The following TEKT3 variants were observed in gnomAD, a reference collection of about 807,000 sequenced individuals.
TEKT3 encodes tektin 3.
In TEKT3, 49 loss-of-function variants were observed where a neutral mutation model predicts 49.8. The observed-to-expected ratio is 0.98, with a 90% CI of 0.78 to 1.25. The LOEUF (loss-of-function observed/expected upper bound fraction) is 1.25, where lower values mean the gene tolerates loss of function less well. TEKT3 is among the 50% of genes most tolerant of loss of function. The probability of loss-of-function intolerance (pLI) is 0.00; values close to 1 mark genes in which losing one functional copy is unlikely to be tolerated. For synonymous variants in TEKT3, 225 were observed against 237.2 expected (o/e 0.95, Z 0.47); for missense variants, 595 against 629.5 (o/e 0.95, Z 0.59).
chr17:15,337,176 C>A (rs970004300), intron 2 of TEKT3, among the ~76,000 whole-genome samples: 2 of 151,750 alleles, frequency 1.3e-5, no homozygotes, highest in Non-Finnish European at 2.9e-5. Context: ...ATAATAAATA[C>A]AATAGATATA....
chr17:15,311,585 C>T (rs1910773106), intron 7 of TEKT3: 1 of 152,298 alleles, frequency 6.6e-6, no homozygotes, highest in South Asian at 2.1e-4. Context: ...GATCACCATA[C>T]ATTAAATGTA....
intron 4 of TEKT3, among the ~76,000 whole-genome samples, chr17:15,321,884 G>T (rs1048503370): frequency 6.6e-6 from 1 of 152,214 alleles, no homozygotes; most frequent in Admixed American, 6.5e-5. Flanking sequence ...TGTTCATGAA[G>T]CATCTGTCGT....
chr17:15,331,288 AC>A lies in TEKT3; in HGVS notation c.297del (p.Trp99CysfsTer6). On this transcript the variant is annotated frameshift_variant, in exon 3 of 9. Coordinates refer to ENST00000395930, the MANE Select transcript of TEKT3 (RefSeq NM_031898.3). LOFTEE classifies it high-confidence loss of function. Reference protein sequence around the residue: ...TFFTRYTPDDWYRSNLTNYQE... With the variant: ...TFFTRYTPDDXYRSNLTNYQE... ...TGATAGTTGGTTAAATTGGACCTGTACCAGTCATCCGGTGTGTATCTTGTGA... is the reference window on the plus strand; with the variant it reads ...TGATAGTTGGTTAAATTGGACCTGTACAGTCATCCGGTGTGTATCTTGTGA... The A allele has an allele frequency of 1.9e-6, 3 of 1,614,208 alleles. No individual in the cohort carries two copies. The highest frequency in any genetic ancestry group is 2.5e-6 in the Non-Finnish European group (3 of 1,180,042).
At chr17:15,310,283 C>T (rs1007448458) in intron 7 of TEKT3, among the ~76,000 whole-genome samples, 12 of 152,178 alleles carry the variant, frequency 7.9e-5, no homozygotes, top group Non-Finnish European at 8.8e-5. Flanking sequence ...TGTACATCCC[C>T]GAGTGCCTAG....
rs777790162 is a variant in TEKT3, at chr17:15,314,086, C to T, written c.878+1G>A. On this transcript the variant is annotated splice_donor_variant, in intron 6 of 8. Transcript: ENST00000395930. LOFTEE classifies it high-confidence loss of function. ...ACAGCCGTGGCGTGTGCCTGACTTA[C>T]GTTGCATCGACCCTCTCCACTCCGC... is the stretch of plus-strand genomic sequence containing the variant. The T allele has an allele frequency of 1.4e-5, 23 of 1,614,066 alleles. No individual in the cohort carries two copies. The highest frequency in any genetic ancestry group is 6.7e-5 in the African/African-American group (5 of 74,926).
intron 4 of TEKT3, among the ~76,000 whole-genome samples, chr17:15,323,310 G>A (rs1269372826): frequency 6.6e-6 from 1 of 152,166 alleles, no homozygotes; most frequent in African/African-American, 2.4e-5. Context: ...TTGTGGGAAG[G>A]AAACTGGCCA....
chr17:15,306,081 T>TTATTTATA (rs1555528984), intron 8 of TEKT3, among the ~76,000 whole-genome samples: 1 of 132,812 alleles, frequency 7.5e-6, no homozygotes, highest in Non-Finnish European at 1.6e-5. Flanking sequence ...CACAGTTTAT[T>TTATTTATA]TATATATATG....
chr17:15,319,182 CATT>C, intron 4 of TEKT3, 35 bp from the exon 5 acceptor site: 1 of 1,524,444 alleles, frequency 6.6e-7, no homozygotes, highest in South Asian at 1.2e-5. Flanking sequence ...TTAATGTTTT[CATT>C]ATTGAATATA....
chr17:15,308,420 A>G (rs571127624), intron 8 of TEKT3, among the ~76,000 whole-genome samples: 14 of 152,338 alleles, frequency 9.2e-5, no homozygotes, highest in African/African-American at 3.1e-4. Flanking sequence ...TCTTAAGTGT[A>G]CAGATCAGTG....
chr17:15,323,243 C>G (rs1911341655), intron 4 of TEKT3, among the ~76,000 whole-genome samples: 1 of 152,226 alleles, frequency 6.6e-6, no homozygotes, highest in Non-Finnish European at 1.5e-5. Flanking sequence ...CAACAAACGT[C>G]TGAGGCTGGA....
chr17:15,326,081 G>GA (rs1383948349), intron 4 of TEKT3, among the ~76,000 whole-genome samples: 3 of 152,208 alleles, frequency 2.0e-5, no homozygotes, highest in Admixed American at 2.0e-4. Flanking sequence ...TAGAGGAAAG[G>GA]AAAGAGCAAA....
chr17:15,327,991 C>A lies in TEKT3; in HGVS notation c.663+1G>T. The A allele has an allele frequency of 6.2e-7, 1 of 1,613,530 alleles. No homozygotes were observed. The highest frequency in any genetic ancestry group is 8.5e-7 in the Non-Finnish European group (1 of 1,179,542). On this transcript the variant is annotated splice_donor_variant, in intron 4 of 8. Transcript: ENST00000395930. LOFTEE classifies it high-confidence loss of function. ...GACTGATGCATTTCCCCCACATTTA[C>A]CGTCAGCAGTTGTGCTTCAACTTCA...
intron 1 of TEKT3, chr17:15,340,385 A>C (rs1912171125): frequency 6.6e-6 from 1 of 151,920 alleles, no homozygotes; most frequent in East Asian, 1.9e-4. Context: ...AATACAAAAA[A>C]AAAAAAAAAA....
rs746424404 is a variant in TEKT3 at position 15,331,570 on chromosome 17, A to C, written c.16T>G (p.Cys6Gly). The C allele has an allele frequency of 6.2e-7, 1 of 1,611,844 alleles. No homozygotes were observed. MERVG[C>G]TLTTTYAHPR... ...TGGGCGTAAGTTGTCGTTAAAGTAC[A>C]ACCTACACGTTCCATGATGCCAAAA... Residue 6 changes from cysteine (C) to glycine (G), a missense_variant, in exon 3 of 9, where the codon TGT becomes GGT. Coordinates refer to ENST00000395930, the MANE Select transcript of TEKT3 (RefSeq NM_031898.3).
intron 8 of TEKT3, among the ~76,000 whole-genome samples, chr17:15,307,688 T>C (rs1177416899): frequency 2.6e-5 from 4 of 152,202 alleles, no homozygotes; most frequent in Non-Finnish European, 1.5e-5. Flanking sequence ...AAGAGAATTT[T>C]ATCGTGGAAG....
At chr17:15,329,165 G>C (rs976618807) in intron 3 of TEKT3, among the ~76,000 whole-genome samples, 10 of 152,238 alleles carry the variant, frequency 6.6e-5, no homozygotes, top group Non-Finnish European at 1.5e-4. Context: ...TTGCAAATTT[G>C]ATAGGCCAAA....
At position 15,304,974 on chromosome 17, in the gene TEKT3, C is replaced by T. The variant is rs1910483979; in HGVS notation, c.1257-822G>A. Among the ~76,000 whole-genome samples, 1 of 152,214 alleles carries T rather than the reference C, an allele frequency of 6.6e-6. No individual in the cohort carries two copies. The highest frequency in any genetic ancestry group is 1.5e-5 in the Non-Finnish European group (1 of 68,040). On this transcript the variant is annotated intron_variant, in intron 8 of 8. Transcript: ENST00000395930. This position sits in a 1 kb window ranked among gnomAD's most constrained non-coding sequence, Gnocchi z 4.7. ...ACGGCACTCAGGGTCTTGTGATTGT[C>T]TGCTTGCAACATCTGCTGTCCTTGC... is the stretch of plus-strand genomic sequence containing the variant.
chr17:15,322,890 T>G (rs542627252), intron 4 of TEKT3, among the ~76,000 whole-genome samples: 1 of 152,332 alleles, frequency 6.6e-6, no homozygotes, highest in Non-Finnish European at 1.5e-5. Context: ...TCACTTATCC[T>G]TGAGTATAGT....
chr17:15,331,192 A>G lies in TEKT3; in HGVS notation c.394T>C (p.Tyr132His), dbSNP rs781212871. 6.2e-7 allele frequency: 1 copy of G among 1,614,064 alleles called. No individual in the cohort carries two copies. Among genetic ancestry groups the G allele is most frequent in the South Asian group, 1.1e-5 (1 of 91,084 alleles). The change falls in exon 3 of 9, where the codon TAT (tyrosine) becomes CAT (histidine). Residue 132 changes from tyrosine (Y) to histidine (H), a missense_variant. By Grantham distance (83) the Tyr-to-His change is moderately conservative (BLOSUM62 2). Transcript: ENST00000395930. ...GCCTGAGTTTTTCTTGTTTGTTGATATTTGTCTTGAATCAGGCGAGATGTA... is the reference window on the plus strand; with the variant it reads ...GCCTGAGTTTTTCTTGTTTGTTGATGTTTGTCTTGAATCAGGCGAGATGTA... Reference protein sequence around the residue: ...VDTSRLIQDKYQQTRKTQADT... With the variant: ...VDTSRLIQDKHQQTRKTQADT...
Sources: allele counts gnomAD v4.1 joint callset (sites outside exome capture counted in the v4.1 genomes callset), GRCh38; gene constraint gnomAD v4.1.1; non-coding constraint Gnocchi (gnomAD v3.1); transcripts MANE v1.5; gene names NCBI Gene and HGNC (gene_info 2026-07-23, HGNC 2026-07-21).